The following TENM3 variants were observed in gnomAD, a reference collection of about 807,000 sequenced individuals.
The protein encoded by TENM3 is teneurin-3.
A neutral mutation model predicts 255.1 loss-of-function variants in TENM3; 63 were observed. The ratio of observed to expected loss-of-function variants is 0.25; its 90% CI spans 0.20 to 0.30. TENM3 has a LOEUF of 0.30. Among genes scored for constraint, TENM3 ranks in the 10% least tolerant of loss-of-function variants. The pLI is 1.00. For synonymous variants in TENM3, 1,306 were observed against 1,322.3 expected (o/e 0.99, Z 0.27); for missense variants, 2,929 against 3,461.1 (o/e 0.85, Z 3.86).
At chr4:182,520,245 A>G (rs1738430781) in intron 3 of TENM3, among the ~76,000 whole-genome samples, 2 of 152,302 alleles carry the variant, frequency 1.3e-5, no homozygotes, top group Admixed American at 6.5e-5. Flanking sequence ...AGGTCATAAG[A>G]TACAAGACCA....
chr4:182,016,287 T>G, the TENM3 span, among the ~76,000 whole-genome samples: 2 of 152,326 alleles, frequency 1.3e-5, no homozygotes, highest in African/African-American at 2.4e-5. Flanking sequence ...CATTCACCAT[T>G]TCACAAACAG....
chr4:182,617,829 C>G (rs1173825131), intron 4 of TENM3, among the ~76,000 whole-genome samples: 1 of 152,062 alleles, frequency 6.6e-6, no homozygotes, highest in Non-Finnish European at 1.5e-5. Flanking sequence ...TTCTCTTTGT[C>G]CAAGAAAGAA....
chr4:182,384,881 A>C (rs1767805223), intron 3 of TENM3, among the ~76,000 whole-genome samples: 1 of 152,114 alleles, frequency 6.6e-6, no homozygotes, highest in Non-Finnish European at 1.5e-5. Context: ...AACGAGTATT[A>C]AGTCTGGAAG....
chr4:182,242,314 T>G (rs1337387248), upstream of TENM3, among the ~76,000 whole-genome samples: 1 of 152,106 alleles, frequency 6.6e-6, no homozygotes, highest in Non-Finnish European at 1.5e-5. Context: ...CGGTGTTTGT[T>G]TTTTTTTCCT....
intron 3 of TENM3, among the ~76,000 whole-genome samples, chr4:182,406,712 C>T (rs1769608019): frequency 6.6e-6 from 1 of 152,208 alleles, no homozygotes; most frequent in Admixed American, 6.5e-5. Context: ...AACTCCTTCA[C>T]GTGTATCTGC....
intron 1 of TENM3, among the ~76,000 whole-genome samples, chr4:182,278,250 C>T (rs1760135278): frequency 1.3e-5 from 2 of 151,942 alleles, no homozygotes; most frequent in South Asian, 4.2e-4. Flanking sequence ...GCCTGTAATC[C>T]CAGCTACTCG....
At chr4:181,855,387 A>G in the TENM3 span, among the ~76,000 whole-genome samples, 16 of 152,244 alleles carry the variant, frequency 1.1e-4, no homozygotes, top group Admixed American at 2.6e-4. Flanking sequence ...CTAAACTTAT[A>G]TAACAATTCT....
upstream of TENM3, among the ~76,000 whole-genome samples, chr4:182,241,518 C>CTTTCTTTTTTTTTT (rs1201901411): frequency 8.8e-6 from 1 of 114,280 alleles, no homozygotes; most frequent in African/African-American, 3.8e-5. Context: ...TTTTTTCTTT[C>CTTTCTTTTTTTTTT]TTTTTTTTTT....
chr4:182,205,810 G>A (rs913611590), intron 1 of TENM3, among the ~76,000 whole-genome samples: 12 of 152,172 alleles, frequency 7.9e-5, no homozygotes, highest in Non-Finnish European at 1.3e-4. Context: ...GAGTACATGT[G>A]GATGCTCCCA....
chr4:182,049,690 C>G, the TENM3 span, among the ~76,000 whole-genome samples: 1 of 152,160 alleles, frequency 6.6e-6, no homozygotes, highest in African/African-American at 2.4e-5. Context: ...ATCTGATTAC[C>G]GTTTAAGAGG....
chr4:181,789,103 G>A, the TENM3 span, among the ~76,000 whole-genome samples: 12 of 152,070 alleles, frequency 7.9e-5, no homozygotes, highest in Non-Finnish European at 1.2e-4. Context: ...CTAAGACGGC[G>A]ATTAATATGA....
intron 3 of TENM3, among the ~76,000 whole-genome samples, chr4:182,453,405 C>T (rs969833895): frequency 2.6e-5 from 4 of 152,042 alleles, no homozygotes; most frequent in Non-Finnish European, 2.9e-5. Context: ...ATTTGGGAAA[C>T]GACATACTAT....
intron 3 of TENM3, among the ~76,000 whole-genome samples, chr4:182,551,918 T>A (rs1292795135): frequency 6.6e-6 from 1 of 151,556 alleles, no homozygotes; most frequent in East Asian, 1.9e-4. Flanking sequence ...CTCAGGAGGC[T>A]GAGGCAGGAG....
the TENM3 span, among the ~76,000 whole-genome samples, chr4:182,111,983 T>C: frequency 6.6e-6 from 1 of 152,194 alleles, no homozygotes; most frequent in East Asian, 1.9e-4. Context: ...TTCTTTCTTC[T>C]ATTTTTACAT....
At chr4:182,249,854 G>C (rs1055260243) in intron 1 of TENM3, among the ~76,000 whole-genome samples, 6 of 151,300 alleles carry the variant, frequency 4.0e-5, no homozygotes, top group African/African-American at 1.5e-4. Context: ...AGCCTCACAC[G>C]CCTGAGCTCA....
intron 3 of TENM3, among the ~76,000 whole-genome samples, chr4:182,423,139 G>A (rs574426865): frequency 6.6e-6 from 1 of 152,136 alleles, no homozygotes; most frequent in African/African-American, 2.4e-5. Context: ...TGCTGTCGTG[G>A]CCTTTCCTGT....
the TENM3 span, among the ~76,000 whole-genome samples, chr4:181,833,367 C>T: frequency 6.6e-6 from 1 of 152,236 alleles, no homozygotes; most frequent in African/African-American, 2.4e-5. Context: ...TTACTGTCCA[C>T]GGGGCTATCA....
chr4:182,564,294 A>G (rs571357814), intron 3 of TENM3, among the ~76,000 whole-genome samples: 61 of 142,426 alleles, frequency 4.3e-4, no homozygotes, highest in African/African-American at 1.4e-3. Flanking sequence ...TTTTATGTGA[A>G]AACCTTTCTT....
At chr4:182,679,613 G>C in intron 7 of TENM3, 53 bp from the exon 8 acceptor site, 1 of 1,392,174 alleles carries the variant, frequency 7.2e-7, no homozygotes, top group Non-Finnish European at 9.9e-7. Flanking sequence ...AAAAAAAAGA[G>C]AGAAGCAGCC....
Sources: allele counts gnomAD v4.1 joint callset (sites outside exome capture counted in the v4.1 genomes callset), GRCh38; gene constraint gnomAD v4.1.1; transcripts MANE v1.5; gene names NCBI Gene and HGNC (gene_info 2026-07-23, HGNC 2026-07-21).